The following CNTN5 variants were observed in gnomAD, a reference collection of about 807,000 sequenced individuals.
The protein encoded by CNTN5 is contactin 5.
CNTN5 carries 77 observed loss-of-function variants against 129.1 expected under a neutral mutation model. The observed-to-expected ratio is 0.60, with a 90% CI of 0.50 to 0.72. CNTN5 has a LOEUF of 0.72. CNTN5 is among the 30% of genes least tolerant of loss of function. The pLI, the probability that CNTN5 is intolerant of heterozygous loss-of-function variation, is 0.00. For missense variants in CNTN5, 1,478 were observed against 1,328.8 expected, an observed-to-expected ratio of 1.11 and a Z score of -1.75; for synonymous variants, 509 against 465.6, an observed-to-expected ratio of 1.09 and a Z score of -1.20.
At chr11:99,930,339 TCCA>T (rs1950162694) in intron 7 of CNTN5, among the ~76,000 whole-genome samples, 1 of 152,206 alleles carries the variant, frequency 6.6e-6, no homozygotes, top group South Asian at 2.1e-4. Flanking sequence ...AAGATCAAAT[TCCA>T]CCATTTTGAC....
chr11:99,322,621 T>A (rs916270045), intron 1 of CNTN5, among the ~76,000 whole-genome samples: 12 of 152,142 alleles, frequency 7.9e-5, no homozygotes, highest in African/African-American at 2.9e-4. Flanking sequence ...ATATTTGTTT[T>A]TCTGGTCAAT....
intron 20 of CNTN5, among the ~76,000 whole-genome samples, chr11:100,305,985 C>T (rs866321286): frequency 8.7e-5 from 13 of 149,270 alleles, no homozygotes; most frequent in Admixed American, 4.7e-4. Context: ...AATCTCGTAA[C>T]GCTTTAAGAA....
chr11:99,086,619 T>C (rs560034461), intron 1 of CNTN5, among the ~76,000 whole-genome samples: 2 of 152,288 alleles, frequency 1.3e-5, no homozygotes, highest in East Asian at 1.9e-4. Context: ...AACATTATAA[T>C]GAAATGGTAT....
chr11:99,738,257 A>G (rs1201694543), intron 3 of CNTN5, among the ~76,000 whole-genome samples: 1 of 152,094 alleles, frequency 6.6e-6, no homozygotes, highest in Non-Finnish European at 1.5e-5. Flanking sequence ...GGTATCTTAT[A>G]AGAGAGGGAA....
intron 3 of CNTN5, among the ~76,000 whole-genome samples, chr11:99,748,841 T>G (rs1944143574): frequency 6.6e-6 from 1 of 152,256 alleles, no homozygotes; most frequent in African/African-American, 2.4e-5. Flanking sequence ...TTACTCACTC[T>G]ACTGATTCAA....
At chr11:99,144,480 A>G (rs1163911542) in intron 1 of CNTN5, among the ~76,000 whole-genome samples, 2 of 152,162 alleles carry the variant, frequency 1.3e-5, no homozygotes, top group African/African-American at 4.8e-5. Flanking sequence ...AGTAAGACAT[A>G]AGGAGGTTTT....
intron 1 of CNTN5, among the ~76,000 whole-genome samples, chr11:99,024,570 C>G (rs1017683754): frequency 6.6e-6 from 1 of 151,952 alleles, no homozygotes; most frequent in African/African-American, 2.4e-5. Context: ...AATTTTATGT[C>G]TATTAATCCC....
chr11:99,380,471 A>T (rs1445980450), intron 2 of CNTN5, among the ~76,000 whole-genome samples: 1 of 152,156 alleles, frequency 6.6e-6, no homozygotes, highest in Admixed American at 6.6e-5. Flanking sequence ...AGATTTGTTC[A>T]TTCAAATATT....
At chr11:100,332,063 A>G (rs1474308571) in intron 21 of CNTN5, among the ~76,000 whole-genome samples, 2 of 152,168 alleles carry the variant, frequency 1.3e-5, no homozygotes, top group Non-Finnish European at 2.9e-5. Context: ...CTTTGAAAAT[A>G]TAAGTAAAAT....
At chr11:100,225,340 G>A (rs1269247647) in intron 16 of CNTN5, 3 of 152,282 alleles carry the variant, frequency 2.0e-5, no homozygotes, top group African/African-American at 7.2e-5. Context: ...CAGTTAAATG[G>A]TTTCCAGTTA....
chr11:99,505,734 T>C (rs1189429596), intron 2 of CNTN5, among the ~76,000 whole-genome samples: 1 of 152,232 alleles, frequency 6.6e-6, no homozygotes. Context: ...CATTTTTGTT[T>C]TTTAAATAAT....
At chr11:99,708,500 A>G (rs532502852) in intron 3 of CNTN5, among the ~76,000 whole-genome samples, 65 of 151,890 alleles carry the variant, frequency 4.3e-4, no homozygotes, top group South Asian at 6.2e-4. Flanking sequence ...CAGATGCATT[A>G]ACTTTCCCTT....
Position 99,405,606 on chromosome 11 carries a change from C to CTTTGGTGTGTTATCTCGAA in CNTN5, c.-71+80123_-71+80124insTTGGTGTGTTATCTCGAAT, listed in dbSNP as rs1942037568. Among the ~76,000 whole-genome samples the CTTTGGTGTGTTATCTCGAA allele has an allele frequency of 0.024, 8 of 330 alleles. 4 individuals are homozygous for CTTTGGTGTGTTATCTCGAA. The Non-Finnish European group carries it at 0.44, about 18-fold the overall frequency. The allele number at this position is 330 out of a possible 152,430, so 0.2% of individuals were successfully genotyped here. A position where few individuals can be genotyped will look rare whatever the true frequency, so the allele number is the denominator to read the frequency against. The stretch of plus-strand genomic sequence containing the variant: ...ATTTACCTGATAGAATTCTGAATTC[C>CTTTGGTGTGTTATCTCGAA]TGGCCGGGCGCGGTGGCTCACGCCT... On this transcript the variant is annotated intron_variant, in intron 2 of 24. Transcript: ENST00000524871.
intron 1 of CNTN5, among the ~76,000 whole-genome samples, chr11:99,324,748 T>C (rs1452457208): frequency 6.6e-6 from 1 of 152,034 alleles, no homozygotes; most frequent in Non-Finnish European, 1.5e-5. Flanking sequence ...TTCACACCAT[T>C]CTCCTGCCTC....
In CNTN5 at chr11:99,801,676, G is replaced by T. The variant is rs75194356; in HGVS notation, c.56-17868G>T. On this transcript the variant is annotated intron_variant, in intron 3 of 24. Transcript: ENST00000524871. ...TCTCACTGGCTTATTTGAAAAGATC[G>T]GTTTAAGCTGTGAAATTCTTTCTTG... is the stretch of plus-strand genomic sequence containing the variant. Among the ~76,000 whole-genome samples, 1,238 of 151,888 alleles carry T rather than the reference G, an allele frequency of 8.2e-3. 17 individuals carry two copies. The highest frequency in any genetic ancestry group is 0.024 in the Middle Eastern group (7 of 294).
chr11:99,245,991 T>C (rs1224870443), intron 1 of CNTN5, among the ~76,000 whole-genome samples: 1 of 152,188 alleles, frequency 6.6e-6, no homozygotes, highest in Non-Finnish European at 1.5e-5. Context: ...GACTATGTTG[T>C]TTCCTTGAGT....
chr11:99,752,331 A>G (rs1458444043), intron 3 of CNTN5, among the ~76,000 whole-genome samples: 4 of 152,176 alleles, frequency 2.6e-5, no homozygotes, highest in Non-Finnish European at 4.4e-5. Flanking sequence ...TTCTCTTGCT[A>G]TCCTCTAGAG....
chr11:100,267,280 C>CACACACACACACACACACAG (rs371454644), intron 17 of CNTN5, among the ~76,000 whole-genome samples: 5 of 148,476 alleles, frequency 3.4e-5, no homozygotes, highest in East Asian at 2.1e-4. Flanking sequence ...CACACACACA[C>CACACACACACACACACACAG]AGAGAGAGAG....
chr11:99,119,666 C>G (rs181592349), intron 1 of CNTN5, among the ~76,000 whole-genome samples: 61 of 152,138 alleles, frequency 4.0e-4, no homozygotes, highest in Admixed American at 3.1e-3. Context: ...TATGGGATTG[C>G]TAGATCAAAT....
Sources: gnomAD v4.1 joint callset for allele counts (sites outside exome capture counted in the v4.1 genomes callset) on GRCh38, gnomAD v4.1.1 for gene constraint, MANE v1.5 for transcripts, NCBI Gene and HGNC (gene_info 2026-07-23, HGNC 2026-07-21) for gene names.